UNC80: variants seen among roughly 807,000 people sequenced by gnomAD.
UNC80 encodes protein unc-80 homolog.
In UNC80, 164 loss-of-function variants were observed where a neutral mutation model predicts 384.6. The ratio of observed to expected loss-of-function variants is 0.43; its 90% CI spans 0.38 to 0.49. The LOEUF is 0.49. Ranked by LOEUF, UNC80 falls within the 20% of genes least tolerant of loss-of-function variation. UNC80 has a pLI of 0.00. For synonymous variants in UNC80, 1,486 were observed against 1,527.8 expected (o/e 0.97, Z 0.64); for missense variants, 3,330 against 4,143.0 (o/e 0.80, Z 5.39).
intron 17 of UNC80, among the ~76,000 whole-genome samples, chr2:209,834,452 C>T (rs1320703463): frequency 6.6e-6 from 1 of 152,086 alleles, no homozygotes; most frequent in Non-Finnish European, 1.5e-5. Context: ...AAAACGCTAC[C>T]TGTTTTAGTC....
chr2:209,808,767 T>C (rs74948754), intron 7 of UNC80: 9 of 59,200 alleles, frequency 1.5e-4, no homozygotes, highest in Admixed American at 7.1e-4. Context: ...CCTGCGCTAC[T>C]TCTGCGCTAC....
At chr2:209,812,959 A>T (rs1428112602) in intron 7 of UNC80, among the ~76,000 whole-genome samples, 1 of 152,232 alleles carries the variant, frequency 6.6e-6, no homozygotes, top group South Asian at 2.1e-4. Flanking sequence ...GCAAGGATAT[A>T]TAACTTTAGA....
At chr2:209,888,752 A>G (rs2086063113) in intron 26 of UNC80, among the ~76,000 whole-genome samples, 1 of 151,978 alleles carries the variant, frequency 6.6e-6, no homozygotes, top group African/African-American at 2.4e-5. Context: ...AGTAGCTGGG[A>G]TTACAGGTGC....
At chr2:209,875,581 G>A (rs16843887) in intron 23 of UNC80, among the ~76,000 whole-genome samples, 12,487 of 152,144 alleles carry the variant, frequency 0.082, 1,705 homozygotes, top group African/African-American at 0.28. Flanking sequence ...TCAAGAATGT[G>A]AAATGAAGTT....
chr2:209,938,762 T>G (rs910906261), intron 42 of UNC80, among the ~76,000 whole-genome samples: 4 of 151,488 alleles, frequency 2.6e-5, no homozygotes, highest in African/African-American at 9.7e-5. Context: ...TAAGAACAAG[T>G]TTTCAAAGAA....
At position 209,976,863 on chromosome 2, in the gene UNC80, T is replaced by G. The variant is rs1287947711; in HGVS notation, c.8773-50T>G. ...TGAAATAGGTACAGCAATTAGCCCA[T>G]TTTATGGATGGAAAATTGAGGCCCT... On this transcript the variant is annotated intron_variant, in intron 57 of 64. Transcript: ENST00000673920. This position sits in a 1 kb window ranked among gnomAD's most constrained non-coding sequence, Gnocchi z 4.3. 3 of 1,469,170 alleles carry G rather than the reference T, an allele frequency of 2.0e-6. No individual in the cohort carries two copies. The highest frequency in any genetic ancestry group is 2.7e-6 in the Non-Finnish European group (3 of 1,091,654). The allele number at this position is 1,469,170 out of a possible 1,614,324, so 91.0% of individuals were successfully genotyped here.
intron 51 of UNC80, chr2:209,960,892 A>T (rs1157959971): frequency 1.3e-5 from 2 of 152,246 alleles, no homozygotes; most frequent in Non-Finnish European, 2.9e-5. Context: ...TACTGCTGTC[A>T]TAGCAACTTA....
In UNC80 at chr2:209,943,376, A is replaced by C; in HGVS notation, c.6916-4A>C. ...TTTTTTGAATATCTGGCATTTTTCC[A>C]TAGGTGTACTCCGACTATGAAAGCA... On this transcript the variant is annotated splice_region_variant and splice_polypyrimidine_tract_variant and intron_variant, in intron 44 of 64. Transcript: ENST00000673920. The C allele has an allele frequency of 1.3e-6, 2 of 1,551,316 alleles. No homozygotes were observed. The highest frequency in any genetic ancestry group is 1.7e-6 in the Non-Finnish European group (2 of 1,146,778).
chr2:209,980,731 T>C (rs2093137336), intron 59 of UNC80, among the ~76,000 whole-genome samples: 1 of 152,196 alleles, frequency 6.6e-6, no homozygotes, highest in Non-Finnish European at 1.5e-5. Context: ...TATAGTTATG[T>C]AGAGGAGATG....
intron 27 of UNC80, among the ~76,000 whole-genome samples, chr2:209,895,192 G>C (rs915096537): frequency 6.6e-6 from 1 of 152,122 alleles, no homozygotes; most frequent in Non-Finnish European, 1.5e-5. Context: ...AGATTAAGTA[G>C]GCATGAAAGT....
In UNC80 at chr2:209,939,597, C is replaced by T; in HGVS notation, c.6591C>T (p.Pro2197=). ...SMLQEDLLRL[P]SFPRSAIDAE... Reference sequence around the variant, plus strand: ...TTCAGGAAGACCTCCTCCGCCTGCCCTCATTCCCTCGTAGTGCTATTGATG... The same window carrying T: ...TTCAGGAAGACCTCCTCCGCCTGCCTTCATTCCCTCGTAGTGCTATTGATG... The change falls in exon 43 of 65, where the codon CCC becomes CCT. Residue 2197 remains proline, a synonymous_variant. Transcript: ENST00000673920. 1 of 1,551,868 alleles carries T rather than the reference C, an allele frequency of 6.4e-7. No homozygotes were observed. Among genetic ancestry groups the T allele is most frequent in the Middle Eastern group, 1.7e-4 (1 of 5,994 alleles).
At chr2:209,895,458 A>G (rs1190262315) in intron 27 of UNC80, among the ~76,000 whole-genome samples, 9 of 152,210 alleles carry the variant, frequency 5.9e-5, no homozygotes, top group Admixed American at 5.9e-4. Context: ...TAGCTGATTT[A>G]TGCATTACTT....
chr2:209,881,183 G>A, intron 25 of UNC80, 89 bp downstream of exon 25: 1 of 1,411,766 alleles, frequency 7.1e-7, no homozygotes, highest in Non-Finnish European at 9.5e-7. Context: ...TTTCTTAAAT[G>A]TTCCATGGCT....
chr2:209,820,370 C>T lies in UNC80; in HGVS notation c.2022C>T (p.Asp674=), dbSNP rs1017533818. The T allele has an allele frequency of 1.4e-5, 21 of 1,551,782 alleles. No individual in the cohort carries two copies. The highest frequency in any genetic ancestry group is 2.4e-5 in the South Asian group (2 of 84,010). ...ATGACATCAGCTCTCGTATCTGTGA[C>T]GTGGCGCTAAACATTGTGGAATGCT... is the stretch of plus-strand genomic sequence containing the variant. ...LNHDISSRIC[D]VALNIVECLL... Residue 674 remains aspartate, a synonymous_variant, in exon 13 of 65, where the codon GAC becomes GAT. Coordinates refer to ENST00000673920, the MANE Select transcript of UNC80 (RefSeq NM_001371986.1).
chr2:209,852,160 G>A (rs2082578641), intron 22 of UNC80, among the ~76,000 whole-genome samples: 1 of 152,044 alleles, frequency 6.6e-6, no homozygotes, highest in African/African-American at 2.4e-5. Context: ...ATCCAGTAGG[G>A]GTGAATGTAC....
chr2:209,936,426 A>C (rs1210890228), intron 40 of UNC80, among the ~76,000 whole-genome samples: 1 of 152,198 alleles, frequency 6.6e-6, no homozygotes, highest in Non-Finnish European at 1.5e-5. Flanking sequence ...ATTATTCTTA[A>C]GTGTTTCTCA....
chr2:209,963,229 G>C (rs891995645), intron 51 of UNC80, among the ~76,000 whole-genome samples: 1 of 152,054 alleles, frequency 6.6e-6, no homozygotes, highest in African/African-American at 2.4e-5. Context: ...TTCTCTGTCT[G>C]TCTCTCTCTC....
chr2:209,914,006 T>C (rs2089243067), intron 31 of UNC80, 66 bp downstream of exon 31: 2 of 1,473,780 alleles, frequency 1.4e-6, no homozygotes, highest in African/African-American at 2.8e-5. Flanking sequence ...AGTGTTTAAA[T>C]AAGAGAGGTG....
At chr2:209,782,541 C>A (rs910800466) in intron 4 of UNC80, among the ~76,000 whole-genome samples, 4 of 151,912 alleles carry the variant, frequency 2.6e-5, no homozygotes, top group Admixed American at 2.0e-4. Context: ...TTCTCCCCTA[C>A]TAGATTCTAA....
Sources: gnomAD v4.1 joint callset for allele counts (sites outside exome capture counted in the v4.1 genomes callset) on GRCh38, gnomAD v4.1.1 for gene constraint, Gnocchi (gnomAD v3.1) non-coding constraint, MANE v1.5 for transcripts, NCBI Gene and HGNC (gene_info 2026-07-23, HGNC 2026-07-21) for gene names.